The following PCSK2 variants were observed in gnomAD, a reference collection of about 807,000 sequenced individuals.
The protein encoded by PCSK2 is neuroendocrine convertase 2.
A neutral mutation model predicts 69.7 loss-of-function variants in PCSK2; 14 were observed. The observed-to-expected ratio is 0.20, with a 90% CI of 0.13 to 0.31. The LOEUF (loss-of-function observed/expected upper bound fraction) is 0.31, where lower values mean the gene tolerates loss of function less well. Among genes scored for constraint, PCSK2 ranks in the 10% least tolerant of loss-of-function variants. PCSK2 has a pLI of 1.00. For missense variants in PCSK2, 544 were observed against 842.5 expected, an observed-to-expected ratio of 0.65 and a Z score of 4.39; for synonymous variants, 307 against 320.7, an observed-to-expected ratio of 0.96 and a Z score of 0.46.
chr20:17,456,484 C>T (rs1323438420), intron 10 of PCSK2, 36 bp downstream of exon 10: 2 of 1,144,232 alleles, frequency 1.7e-6, no homozygotes, highest in Admixed American at 3.6e-5. Flanking sequence ...GCCAGCTCTG[C>T]AGGGTGGACT....
At chr20:17,418,789 A>G (rs916769967) in intron 6 of PCSK2, among the ~76,000 whole-genome samples, 3 of 152,198 alleles carry the variant, frequency 2.0e-5, no homozygotes, top group Admixed American at 1.3e-4. Context: ...CCGATGCCCC[A>G]TCTCTGTTCA....
At chr20:17,437,990 CCCA>C (rs1306131987) in intron 8 of PCSK2, among the ~76,000 whole-genome samples, 1 of 149,596 alleles carries the variant, frequency 6.7e-6, no homozygotes, top group Non-Finnish European at 1.5e-5. Context: ...GCAGTTCCCC[CCCA>C]CCCACACCGT....
At chr20:17,440,631 C>T (rs914752088) in intron 8 of PCSK2, among the ~76,000 whole-genome samples, 1 of 152,192 alleles carries the variant, frequency 6.6e-6, no homozygotes, top group Non-Finnish European at 1.5e-5. Flanking sequence ...GGGGCTAAGG[C>T]GGGTGGATCA....
chr20:17,267,526 C>A (rs1600428007), intron 2 of PCSK2, among the ~76,000 whole-genome samples: 2 of 152,176 alleles, frequency 1.3e-5, no homozygotes, highest in Non-Finnish European at 2.9e-5. Context: ...ATATGCCTGG[C>A]TTCCCAACTC....
At chr20:17,406,541 G>C (rs2031754099) in intron 5 of PCSK2, among the ~76,000 whole-genome samples, 2 of 152,200 alleles carry the variant, frequency 1.3e-5, no homozygotes, top group African/African-American at 2.4e-5. Flanking sequence ...TGGTTGCAGA[G>C]TTCTGAGGGT....
At chr20:17,409,698 A>G (rs948231701) in intron 6 of PCSK2, among the ~76,000 whole-genome samples, 1 of 152,214 alleles carries the variant, frequency 6.6e-6, no homozygotes, top group Non-Finnish European at 1.5e-5. Context: ...ATTTTGCCCC[A>G]TGGGTCTATG....
chr20:17,480,948 C>A (rs1327210486), intron 11 of PCSK2, among the ~76,000 whole-genome samples: 3 of 152,152 alleles, frequency 2.0e-5, no homozygotes, highest in Non-Finnish European at 4.4e-5. Context: ...CGGGGAGATT[C>A]TCGTGCCTGG....
intron 6 of PCSK2, among the ~76,000 whole-genome samples, chr20:17,418,649 GC>G (rs2032054208): frequency 6.6e-6 from 1 of 152,188 alleles, no homozygotes; most frequent in Non-Finnish European, 1.5e-5. Context: ...ACTCTCAGAA[GC>G]CCCAATAGCC....
At chr20:17,421,558 G>A (rs2032126736) in intron 6 of PCSK2, among the ~76,000 whole-genome samples, 1 of 152,022 alleles carries the variant, frequency 6.6e-6, no homozygotes, top group East Asian at 1.9e-4. Context: ...GACTGCAGCT[G>A]GCCACCATGG....
intron 6 of PCSK2, among the ~76,000 whole-genome samples, chr20:17,423,873 A>C (rs1489227951): frequency 1.3e-5 from 2 of 152,236 alleles, no homozygotes; most frequent in Non-Finnish European, 2.9e-5. Context: ...TTACCTTGCT[A>C]GTGATGAGGA....
At chr20:17,229,195 G>T (rs1381587218) in intron 1 of PCSK2, among the ~76,000 whole-genome samples, 1 of 151,762 alleles carries the variant, frequency 6.6e-6, no homozygotes, top group Non-Finnish European at 1.5e-5. Flanking sequence ...TTGAGCCTAT[G>T]GCCCCGTTGA....
In PCSK2 at chr20:17,260,303, C is replaced by T. The variant is rs372462573; in HGVS notation, c.241C>T (p.Arg81Cys). ...TGGCCTTGCAAAGGCCAAGAGAAGA[C>T]GCAGCCTACACCACAAGCAGCAGCT... is the stretch of plus-strand genomic sequence containing the variant. The part of the protein sequence containing the change: ...HNGLAKAKRR[R>C]SLHHKQQLER... The change falls in exon 2 of 12, where the codon CGC (arginine) becomes TGC (cysteine). Residue 81 changes from arginine (R) to cysteine (C), a missense_variant. Physicochemically the swap from Arg to Cys is radical, Grantham distance 180. Around this residue, in one of 3 missense-constraint regions of PCSK2, gnomAD observed 157 missense variants for 155.0 expected, o/e 1.01. Transcript: ENST00000262545. 30 of 1,613,694 alleles carry T rather than the reference C, an allele frequency of 1.9e-5. No individual in the cohort carries two copies. The highest frequency in any genetic ancestry group is 6.7e-5 in the Admixed American group (4 of 59,996).
At chr20:17,366,870 G>C (rs1304857526) in intron 4 of PCSK2, among the ~76,000 whole-genome samples, 2 of 151,892 alleles carry the variant, frequency 1.3e-5, no homozygotes, top group Admixed American at 6.6e-5. Flanking sequence ...TTATCTTCTT[G>C]CTCCAGTATT....
intron 2 of PCSK2, among the ~76,000 whole-genome samples, chr20:17,347,856 GAA>G (rs1568612134): frequency 3.0e-5 from 3 of 99,594 alleles, no homozygotes; most frequent in African/African-American, 7.6e-5. Context: ...AAGAAAGAAA[GAA>G]AGAGGAGAGA....
chr20:17,391,016 G>T (rs1176821896), intron 5 of PCSK2, among the ~76,000 whole-genome samples: 1 of 152,118 alleles, frequency 6.6e-6, no homozygotes, highest in Non-Finnish European at 1.5e-5. Context: ...GACATTTTGG[G>T]TTTCCCCTAA....
chr20:17,350,406 G>A (rs1441570377), intron 2 of PCSK2, among the ~76,000 whole-genome samples: 3 of 151,766 alleles, frequency 2.0e-5, no homozygotes, highest in East Asian at 1.9e-4. Flanking sequence ...AAGCAAAGAC[G>A]TCCCTCACCA....
rs780085413 is a variant in PCSK2, at chr20:17,369,256, C to T, written c.522C>T (p.His174=). 5.3e-5 allele frequency: 85 copies of T among 1,613,834 alleles called. 1 individual carries two copies. The Admixed American group carries it at 1.4e-3, about 27-fold the overall frequency. The part of the protein sequence containing the change: ...GIMDDGIDYL[H]PDLASNYNAE... ...TTTTCACAGGGATTGACTATCTCCACCCGGACCTGGCCTCCAACTATGTAA... is the reference window on the plus strand; with the variant it reads ...TTTTCACAGGGATTGACTATCTCCATCCGGACCTGGCCTCCAACTATGTAA... The change falls in exon 5 of 12, where the codon CAC becomes CAT. Residue 174 remains histidine (H), a synonymous_variant. Coordinates refer to ENST00000262545, the MANE Select transcript of PCSK2 (RefSeq NM_002594.5).
In PCSK2 at chr20:17,453,442, T is replaced by C. The variant is rs1054826671; in HGVS notation, c.886-300T>C. Among the ~76,000 whole-genome samples, 4 of 152,244 alleles carry C rather than the reference T, an allele frequency of 2.6e-5. No individual in the cohort carries two copies. The highest frequency in any genetic ancestry group is 4.4e-5 in the Non-Finnish European group (3 of 68,042). On this transcript the variant is annotated intron_variant, in intron 8 of 11. Coordinates refer to ENST00000262545, the MANE Select transcript of PCSK2 (RefSeq NM_002594.5). The surrounding 1 kb of genome is among the most constrained non-coding windows in gnomAD (Gnocchi z 4.0). The stretch of plus-strand genomic sequence containing the variant: ...TCATTGTGAGCATGTACCACCTTTC[T>C]AGCTTTTTTAAAAAGCAGTTTATTT...
intron 6 of PCSK2, among the ~76,000 whole-genome samples, chr20:17,422,831 A>C (rs1156495883): frequency 6.6e-6 from 1 of 152,192 alleles, no homozygotes; most frequent in Non-Finnish European, 1.5e-5. Context: ...CAGACACCAC[A>C]TAAAAGGAAC....
Sources: allele counts gnomAD v4.1 joint callset (sites outside exome capture counted in the v4.1 genomes callset), GRCh38; gene constraint gnomAD v4.1.1; regional missense constraint gnomAD v4.1.1; non-coding constraint Gnocchi (gnomAD v3.1); transcripts MANE v1.5; gene names NCBI Gene and HGNC (gene_info 2026-07-23, HGNC 2026-07-21).